The following KALRN variants were observed in gnomAD, a reference collection of about 807,000 sequenced individuals.
The protein encoded by KALRN is kalirin RhoGEF kinase, also known as kalirin.
Under a neutral mutation model 353.7 loss-of-function variants are expected in KALRN, and 70 were observed. The ratio of observed to expected loss-of-function variants is 0.20; its 90% CI spans 0.16 to 0.24. The LOEUF is 0.24. Among genes scored for constraint, KALRN ranks in the 10% least tolerant of loss-of-function variants. The pLI, the probability that KALRN is intolerant of heterozygous loss-of-function variation, is 1.00. For synonymous variants in KALRN, 1,391 were observed against 1,434.8 expected (o/e 0.97, Z 0.69); for missense variants, 2,791 against 3,756.7 (o/e 0.74, Z 6.72).
At chr3:124,387,448 A>G (rs1404225507) in intron 11 of KALRN, among the ~76,000 whole-genome samples, 1 of 152,260 alleles carries the variant, frequency 6.6e-6, no homozygotes, top group Non-Finnish European at 1.5e-5. Flanking sequence ...TTCCAGTTTT[A>G]CAAATGGGAA....
chr3:124,446,336 C>G, intron 20 of KALRN, 60 bp downstream of exon 20: 1 of 1,273,272 alleles, frequency 7.9e-7, no homozygotes, highest in Non-Finnish European at 1.1e-6. Flanking sequence ...AGGCCCATCA[C>G]CAAGGCTTAG....
At chr3:124,112,304 CAA>C (rs111307023) in intron 1 of KALRN, among the ~76,000 whole-genome samples, 13 of 125,918 alleles carry the variant, frequency 1.0e-4, no homozygotes, top group Admixed American at 3.3e-4. Flanking sequence ...CTCCATCTCA[CAA>C]AAAAAAAAAA....
At chr3:124,447,634 G>A (rs2093883733) in intron 21 of KALRN, among the ~76,000 whole-genome samples, 1 of 152,152 alleles carries the variant, frequency 6.6e-6, no homozygotes, top group Non-Finnish European at 1.5e-5. Context: ...CAAAACATAT[G>A]CTCTTCCCAG....
rs765485010 is a variant in KALRN at position 124,326,001 on chromosome 3, C to T, written c.1114C>T (p.Arg372Cys). 4.3e-6 allele frequency: 7 copies of T among 1,612,854 alleles called. No homozygotes were observed. The highest frequency in any genetic ancestry group is 2.2e-5 in the South Asian group (2 of 90,684). ...CCAGAATGCCTATGTCAACATCAAC[C>T]GCATCATGTCCGTGGCTTCCCGCCT... ...NSMNAYVNIN[R>C]IMSVASRLSE... Residue 372 changes from arginine to cysteine, a missense_variant, in exon 7 of 60, where the codon CGC (arginine) becomes TGC (cysteine). Coordinates refer to ENST00000682506, the MANE Select transcript of KALRN (RefSeq NM_001388419.1).
At chr3:124,201,963 C>T (rs540783782) in intron 1 of KALRN, among the ~76,000 whole-genome samples, 20 of 152,310 alleles carry the variant, frequency 1.3e-4, no homozygotes, top group Admixed American at 1.2e-3. Flanking sequence ...AGCTGGAGCC[C>T]TGTGATGGGG....
chr3:124,330,283 CA>C (rs1581034590), intron 8 of KALRN, among the ~76,000 whole-genome samples: 5 of 149,670 alleles, frequency 3.3e-5, no homozygotes, highest in African/African-American at 7.6e-5. Context: ...CACACACACA[CA>C]CACCCCATAC....
At position 124,488,362 on chromosome 3, in the gene KALRN, C is replaced by T. The variant is rs375820839; in HGVS notation, c.4396+47C>T. ...GGGAAGCCTCCTCTCTTCCTTGACA[C>T]GGGGGAGCTTGTATCATGGGAGGGA... On this transcript the variant is annotated intron_variant, in intron 29 of 59. Coordinates refer to ENST00000682506, the MANE Select transcript of KALRN (RefSeq NM_001388419.1). The T allele has an allele frequency of 5.1e-4, 632 of 1,230,000 alleles. 2 individuals are homozygous for T. The highest frequency in any genetic ancestry group is 1.9e-3 in the Middle Eastern group (10 of 5,184). 76.2% of individuals were successfully genotyped at this position (1,230,000 alleles called of 1,614,324 possible).
intron 23 of KALRN, among the ~76,000 whole-genome samples, chr3:124,460,604 A>G (rs868458027): frequency 2.6e-5 from 4 of 152,196 alleles, no homozygotes; most frequent in Non-Finnish European, 5.9e-5. Flanking sequence ...TGCACTAGGC[A>G]TGTTGCTTAC....
At chr3:124,319,855 A>T (rs572369374) in intron 6 of KALRN, among the ~76,000 whole-genome samples, 3 of 151,978 alleles carry the variant, frequency 2.0e-5, no homozygotes, top group African/African-American at 7.2e-5. Flanking sequence ...TTAGCCAGGC[A>T]TGGTGACATG....
chr3:124,263,513 G>C (rs2073147061), intron 3 of KALRN, among the ~76,000 whole-genome samples: 1 of 151,980 alleles, frequency 6.6e-6, no homozygotes, highest in African/African-American at 2.4e-5. Flanking sequence ...GGAGTTTTGA[G>C]ACTGTAGTGC....
At chr3:124,181,441 G>A (rs563054838) in intron 1 of KALRN, among the ~76,000 whole-genome samples, 1 of 152,152 alleles carries the variant, frequency 6.6e-6, no homozygotes, top group Non-Finnish European at 1.5e-5. Flanking sequence ...ATCAGAAGCA[G>A]GTTAAATTAA....
chr3:124,216,227 T>C (rs2077317648), intron 1 of KALRN, among the ~76,000 whole-genome samples: 1 of 152,168 alleles, frequency 6.6e-6, no homozygotes, highest in South Asian at 2.1e-4. Context: ...ATCATTTCAT[T>C]TTTTTCTCTG....
chr3:124,332,549 G>T (rs1399386107), intron 8 of KALRN, among the ~76,000 whole-genome samples: 1 of 152,068 alleles, frequency 6.6e-6, no homozygotes, highest in Non-Finnish European at 1.5e-5. Context: ...TGCATGTTCT[G>T]TTGGGTACTT....
intron 1 of KALRN, among the ~76,000 whole-genome samples, chr3:124,132,146 C>G (rs1050779560): frequency 1.3e-5 from 2 of 152,148 alleles, no homozygotes; most frequent in Non-Finnish European, 2.9e-5. Flanking sequence ...ATTGATTATC[C>G]ATCATTTCAA....
intron 57 of KALRN, among the ~76,000 whole-genome samples, chr3:124,712,121 G>A (rs918442625): frequency 6.6e-6 from 1 of 152,246 alleles, no homozygotes; most frequent in East Asian, 1.9e-4. Flanking sequence ...GGTGATGGGT[G>A]CACCAAAATC....
intron 1 of KALRN, among the ~76,000 whole-genome samples, chr3:124,051,943 C>G (rs1412845150): frequency 6.6e-6 from 1 of 152,132 alleles, no homozygotes; most frequent in Non-Finnish European, 1.5e-5. Flanking sequence ...CAAGTGTGTC[C>G]CTCTCTGAGG....
At chr3:124,141,201 C>A (rs971056044) in intron 1 of KALRN, among the ~76,000 whole-genome samples, 4 of 152,220 alleles carry the variant, frequency 2.6e-5, no homozygotes, top group African/African-American at 9.7e-5. Flanking sequence ...CCTTCCCTGG[C>A]TTTCTGAACC....
At chr3:124,480,695 C>T (rs1473756374) in intron 27 of KALRN, among the ~76,000 whole-genome samples, 2 of 152,136 alleles carry the variant, frequency 1.3e-5, no homozygotes, top group Non-Finnish European at 2.9e-5. Context: ...TTAGCCATCA[C>T]CCCCCAGCTC....
chr3:124,231,753 C>A (rs2079185144), intron 2 of KALRN, among the ~76,000 whole-genome samples: 1 of 151,802 alleles, frequency 6.6e-6, no homozygotes, highest in Non-Finnish European at 1.5e-5. Flanking sequence ...TAAAGAATAA[C>A]CTCATTCCCT....
Sources: allele counts gnomAD v4.1 joint callset (sites outside exome capture counted in the v4.1 genomes callset), GRCh38; gene constraint gnomAD v4.1.1; transcripts MANE v1.5; gene names NCBI Gene and HGNC (gene_info 2026-07-23, HGNC 2026-07-21).